CCSER1: variants seen among roughly 807,000 people sequenced by gnomAD.
The protein encoded by CCSER1 is serine-rich coiled-coil domain-containing protein 1.
CCSER1 carries 41 observed loss-of-function variants against 82.0 expected under a neutral mutation model. That is an observed-to-expected ratio of 0.50 (90% CI 0.39 to 0.65). The LOEUF is 0.65. CCSER1 is among the 30% of genes least tolerant of loss of function. The pLI, the probability that CCSER1 is intolerant of heterozygous loss-of-function variation, is 0.00. For missense variants in CCSER1, 1,119 were observed against 1,064.2 expected (o/e 1.05, Z -0.72); for synonymous variants, 414 against 383.9 (o/e 1.08, Z -0.92).
intron 1 of CCSER1, among the ~76,000 whole-genome samples, chr4:90,232,384 A>C (rs1744778040): frequency 6.6e-6 from 1 of 152,108 alleles, no homozygotes; most frequent in Non-Finnish European, 1.5e-5. Flanking sequence ...AGGATTCCCT[A>C]TTTAATAAAT....
chr4:90,718,428 A>G (rs932009746), intron 6 of CCSER1, among the ~76,000 whole-genome samples: 2 of 152,124 alleles, frequency 1.3e-5, no homozygotes, highest in African/African-American at 4.8e-5. Flanking sequence ...ATGGATCTGT[A>G]CTATGGAATT....
chr4:91,558,307 G>A (rs1278555932), intron 10 of CCSER1, among the ~76,000 whole-genome samples: 1 of 151,596 alleles, frequency 6.6e-6, no homozygotes, highest in Non-Finnish European at 1.5e-5. Context: ...AGCAGATGGA[G>A]ATAAATGTAC....
At chr4:90,321,302 G>A (rs985305897) in intron 3 of CCSER1, among the ~76,000 whole-genome samples, 2 of 152,052 alleles carry the variant, frequency 1.3e-5, no homozygotes, top group African/African-American at 4.8e-5. Context: ...ATATGAGTAA[G>A]AATAGGCAAA....
At chr4:90,685,521 A>T (rs1734666997) in intron 6 of CCSER1, among the ~76,000 whole-genome samples, 1 of 152,134 alleles carries the variant, frequency 6.6e-6, no homozygotes, top group South Asian at 2.1e-4. Context: ...CTTTCCACCC[A>T]TAGGCATTTA....
intron 1 of CCSER1, among the ~76,000 whole-genome samples, chr4:90,267,438 C>T (rs1249146883): frequency 2.6e-5 from 4 of 152,114 alleles, no homozygotes; most frequent in Non-Finnish European, 2.9e-5. Context: ...CAGAAAAGAA[C>T]ACAAATCTGG....
intron 1 of CCSER1, among the ~76,000 whole-genome samples, chr4:90,233,174 G>A (rs996971837): frequency 1.6e-4 from 25 of 152,106 alleles, no homozygotes; most frequent in African/African-American, 5.6e-4. Context: ...GACATGACAC[G>A]TATGTTTATT....
intron 7 of CCSER1, among the ~76,000 whole-genome samples, chr4:90,755,695 A>G (rs1286129264): frequency 1.3e-5 from 2 of 152,224 alleles, no homozygotes; most frequent in Non-Finnish European, 2.9e-5. Context: ...GAGAAGTATT[A>G]TCAATGCAAA....
At chr4:91,133,403 A>T (rs1325748718) in intron 10 of CCSER1, among the ~76,000 whole-genome samples, 1 of 152,152 alleles carries the variant, frequency 6.6e-6, no homozygotes, top group East Asian at 1.9e-4. Context: ...TCAGATATTG[A>T]TCACATAGGA....
chr4:90,488,011 A>G (rs954735536), intron 5 of CCSER1, among the ~76,000 whole-genome samples: 6 of 152,308 alleles, frequency 3.9e-5, no homozygotes, highest in Admixed American at 2.0e-4. Flanking sequence ...AAGGATTGCC[A>G]TTTGAACAGT....
chr4:91,381,361 C>G (rs192680761), intron 10 of CCSER1, among the ~76,000 whole-genome samples: 2 of 152,272 alleles, frequency 1.3e-5, no homozygotes, highest in African/African-American at 4.8e-5. Context: ...TGGTTCCATT[C>G]TCCCCGTCAC....
At chr4:91,546,658 A>C (rs370812633) in intron 10 of CCSER1, among the ~76,000 whole-genome samples, 1 of 151,874 alleles carries the variant, frequency 6.6e-6, no homozygotes, top group African/African-American at 2.4e-5. Flanking sequence ...AGGGTTATTA[A>C]TTTTATTGAT....
rs34378206 is a variant in CCSER1, at chr4:91,358,391, G to GTTTT, written c.2218-240179_2218-240178insTTTT. 1.9e-4 allele frequency among the ~76,000 whole-genome samples: 24 copies of GTTTT among 127,052 alleles called. 7 individuals carry two copies. The highest frequency in any genetic ancestry group is 2.5e-4 in the South Asian group (1 of 4,022). The allele number at this position is 127,052 out of a possible 152,430, so 83.4% of individuals were successfully genotyped here. The stretch of plus-strand genomic sequence containing the variant: ...TGGGCTTACTTTGTGCCTGACCCAC[G>GTTTT]TTGTTTTTTTTTTTTTTTTCCCGAG... On this transcript the variant is annotated intron_variant, in intron 10 of 10. Transcript: ENST00000509176.
intron 10 of CCSER1, among the ~76,000 whole-genome samples, chr4:91,101,707 A>G (rs1014202607): frequency 2.0e-5 from 3 of 152,146 alleles, no homozygotes; most frequent in African/African-American, 7.2e-5. Flanking sequence ...AGTGGAACAA[A>G]TGAAGACAAG....
At chr4:90,580,448 A>G (rs1781303526) in intron 5 of CCSER1, among the ~76,000 whole-genome samples, 1 of 152,090 alleles carries the variant, frequency 6.6e-6, no homozygotes, top group South Asian at 2.1e-4. Context: ...GACCTCAGCT[A>G]CTCTGCTGCT....
chr4:90,895,350 C>A (rs1307891300), intron 8 of CCSER1, among the ~76,000 whole-genome samples: 4 of 151,714 alleles, frequency 2.6e-5, no homozygotes, highest in African/African-American at 9.7e-5. Flanking sequence ...TTTTTATCAG[C>A]AAAATATTTG....
At chr4:90,255,270 T>A (rs913393133) in intron 1 of CCSER1, among the ~76,000 whole-genome samples, 2 of 151,336 alleles carry the variant, frequency 1.3e-5, no homozygotes, top group East Asian at 3.9e-4. Context: ...AACCATATAT[T>A]TTTTTTTTCT....
intron 10 of CCSER1, among the ~76,000 whole-genome samples, chr4:91,180,323 A>C (rs1220878856): frequency 6.6e-6 from 1 of 151,930 alleles, no homozygotes; most frequent in African/African-American, 2.4e-5. Flanking sequence ...GAGAACCACT[A>C]CTCTCTTCAA....
At chr4:90,528,034 A>G (rs1436650714) in intron 5 of CCSER1, among the ~76,000 whole-genome samples, 1 of 152,154 alleles carries the variant, frequency 6.6e-6, no homozygotes, top group Non-Finnish European at 1.5e-5. Context: ...ATAACATACA[A>G]GCAGTTATTT....
At chr4:90,858,088 CAG>C (rs1764667369) in intron 8 of CCSER1, among the ~76,000 whole-genome samples, 1 of 151,936 alleles carries the variant, frequency 6.6e-6, no homozygotes, top group South Asian at 2.1e-4. Context: ...AGTACAGTAA[CAG>C]AATTCTAGCC....
Sources: allele counts gnomAD v4.1 joint callset (sites outside exome capture counted in the v4.1 genomes callset), GRCh38; gene constraint gnomAD v4.1.1; transcripts MANE v1.5; gene names NCBI Gene and HGNC (gene_info 2026-07-23, HGNC 2026-07-21).